CIITA: variants seen among roughly 807,000 people sequenced by gnomAD.
CIITA encodes class II major histocompatibility complex transactivator.
In CIITA, 72 loss-of-function variants were observed where a neutral mutation model predicts 115.1. The observed-to-expected ratio is 0.63, with a 90% CI of 0.52 to 0.76. The LOEUF (loss-of-function observed/expected upper bound fraction) is 0.76, where lower values mean the gene tolerates loss of function less well. Among genes scored for constraint, CIITA ranks in the 30% least tolerant of loss-of-function variants. CIITA has a pLI of 0.00. For synonymous variants in CIITA, 763 were observed against 635.6 expected (o/e 1.20, Z -3.02); for missense variants, 1,617 against 1,463.8 (o/e 1.10, Z -1.71).
intron 1 of CIITA, chr16:10,866,551 C>T (rs763714508): frequency 1.8e-6 from 1 of 547,304 alleles, no homozygotes; most frequent in South Asian, 1.4e-5. Flanking sequence ...CGAGAGGGGC[C>T]CCGGCCACAG....
chr16:10,901,403 G>A lies in CIITA; in HGVS notation c.437-111G>A. On this transcript the variant is annotated intron_variant, in intron 5 of 19. Transcript: ENST00000324288. The surrounding 1 kb of genome is among the most constrained non-coding windows in gnomAD (Gnocchi z 6.8). ...CGAGGGGAGGAAAATGGACCCCCAA[G>A]ACCACTACCCAGCCTTGAAGTTAAG... 1 of 1,180,592 alleles carries A rather than the reference G, an allele frequency of 8.5e-7. No individual in the cohort carries two copies. The highest frequency in any genetic ancestry group is 1.2e-6 in the Non-Finnish European group (1 of 800,368). The allele number at this position is 1,180,592 out of a possible 1,614,324, so 73.1% of individuals were successfully genotyped here. A position where few individuals can be genotyped will look rare whatever the true frequency, so the allele number is the denominator to read the frequency against.
At chr16:10,885,214 C>G (rs2036822289) in intron 1 of CIITA, among the ~76,000 whole-genome samples, 1 of 152,178 alleles carries the variant, frequency 6.6e-6, no homozygotes, top group South Asian at 2.1e-4. Flanking sequence ...TGCAGCCAAG[C>G]CCCTGTGGCA....
chr16:10,917,538 G>A (rs1287823124), intron 15 of CIITA, among the ~76,000 whole-genome samples: 1 of 149,710 alleles, frequency 6.7e-6, no homozygotes, highest in African/African-American at 2.5e-5. Flanking sequence ...CTGGAGTGCA[G>A]TGGTACGATC....
At chr16:10,903,467 G>A (rs1281718343) in intron 8 of CIITA, among the ~76,000 whole-genome samples, 3 of 152,208 alleles carry the variant, frequency 2.0e-5, no homozygotes, top group African/African-American at 7.2e-5. Flanking sequence ...ACAGCAGGAA[G>A]AGTGCAATAG....
chr16:10,925,352 G>A lies in CIITA; in HGVS notation c.*1497G>A, dbSNP rs538612345. 6.6e-6 allele frequency: 1 copy of A among 152,332 alleles called. No individual in the cohort carries two copies. Among genetic ancestry groups the A allele is most frequent in the African/African-American group, 2.4e-5 (1 of 41,476 alleles). The allele number at this position is 152,332 out of a possible 1,614,324, so 9.4% of individuals were successfully genotyped here. On this transcript the variant is annotated 3_prime_UTR_variant, in exon 20 of 20. Transcript: ENST00000324288. ...AGGCAGGGTCTCACTCTGTCGCCCA[G>A]TCTGGAATGCAGTGGTATGATCACG...
chr16:10,929,060 T>C lies in CIITA; in HGVS notation c.*5205T>C, dbSNP rs376422417. 3.9e-5 allele frequency: 12 copies of C among 308,034 alleles called. No individual in the cohort carries two copies. The highest frequency in any genetic ancestry group is 2.5e-4 in the African/African-American group (11 of 44,410). The allele number at this position is 308,034 out of a possible 1,614,324, so 19.1% of individuals were successfully genotyped here. A position where few individuals can be genotyped will look rare whatever the true frequency, so the allele number is the denominator to read the frequency against. ...CATGATGTCTGTTTTGCCAACTTGC[T>C]GAAGAACGAGTAACCTGAAATGAAG... On this transcript the variant is annotated 3_prime_UTR_variant, in exon 20 of 20. Transcript: ENST00000324288. The surrounding 1 kb of genome is among the most constrained non-coding windows in gnomAD (Gnocchi z 4.3).
intron 13 of CIITA, among the ~76,000 whole-genome samples, chr16:10,911,402 TCCTC>T (rs1441245801): frequency 7.0e-6 from 1 of 142,936 alleles, no homozygotes; most frequent in Non-Finnish European, 1.5e-5. Flanking sequence ...CTCCCTTCCT[TCCTC>T]CCTCCCTATC....
intron 16 of CIITA, among the ~76,000 whole-genome samples, chr16:10,919,360 C>T (rs2040146019): frequency 6.6e-6 from 1 of 152,034 alleles, no homozygotes; most frequent in African/African-American, 2.4e-5. Context: ...CCACGTCCAG[C>T]TAGTTTTTAT....
At chr16:10,881,031 T>C (rs1401487929) in intron 1 of CIITA, among the ~76,000 whole-genome samples, 1 of 152,152 alleles carries the variant, frequency 6.6e-6, no homozygotes, top group East Asian at 1.9e-4. Flanking sequence ...CCTAGCACTT[T>C]GGGAGGCCGA....
Position 10,906,707 on chromosome 16 carries a change from G to A in CIITA, c.1215G>A (p.Lys405=). The change falls in exon 11 of 20, where the codon AAG becomes AAA. Residue 405 remains lysine (K), a synonymous_variant. Coordinates refer to ENST00000324288, the MANE Select transcript of CIITA (RefSeq NM_000246.4). ...GGLAEVLLAA[K]EHRRPRETRV... is the part of the protein sequence containing the mutation. ...TGGCTGAGGTGCTGTTGGCTGCCAA[G>A]GAGCACCGGCGGCCGCGTGAGACAC... The A allele has an allele frequency of 6.2e-7, 1 of 1,612,380 alleles. No individual in the cohort carries two copies. The highest frequency in any genetic ancestry group is 2.2e-5 in the East Asian group (1 of 44,886).
Position 10,901,396 on chromosome 16 carries a change from C to T in CIITA, c.437-118C>T, listed in dbSNP as rs1056391089. On this transcript the variant is annotated intron_variant, in intron 5 of 19. Coordinates refer to ENST00000324288, the MANE Select transcript of CIITA (RefSeq NM_000246.4). The surrounding 1 kb of genome is among the most constrained non-coding windows in gnomAD (Gnocchi z 6.8). ...GTTAGAGCGAGGGGAGGAAAATGGA[C>T]CCCCAAGACCACTACCCAGCCTTGA... 25 of 1,061,932 alleles carry T rather than the reference C, an allele frequency of 2.4e-5. No individual in the cohort carries two copies. Among genetic ancestry groups the T allele is most frequent in the Middle Eastern group, 3.9e-4 (2 of 5,066 alleles). 65.8% of individuals were successfully genotyped at this position (1,061,932 alleles called of 1,614,324 possible). A position where few individuals can be genotyped will look rare whatever the true frequency, so the allele number is the denominator to read the frequency against.
intron 16 of CIITA, 69 bp from the exon 17 acceptor site, chr16:10,922,098 A>AATC: frequency 7.4e-7 from 1 of 1,359,182 alleles, no homozygotes; most frequent in Non-Finnish European, 1.1e-6. Context: ...GAATCTAGGG[A>AATC]TGGTGGCTTC....
rs1332434918 is a variant in CIITA, at chr16:10,909,143, C to T, written c.2772C>T (p.Ser924=). The T allele has an allele frequency of 6.8e-6, 11 of 1,614,054 alleles. No homozygotes were observed. In the East Asian group the frequency reaches 1.1e-4, roughly 16 times the overall value. The change falls in exon 12 of 20, where the codon TCC becomes TCT. Residue 924 remains serine, a synonymous_variant. Transcript: ENST00000324288. ...CCATCGAGCCTTTCAAAGCCAAGTC[C>T]CTGAAGGATGTGGAAGACCTGGGAA... ...KFTIEPFKAK[S]LKDVEDLGKL...
intron 16 of CIITA, among the ~76,000 whole-genome samples, chr16:10,919,800 C>T (rs1034380223): frequency 5.9e-5 from 9 of 152,120 alleles, no homozygotes; most frequent in Admixed American, 1.3e-4. Context: ...ACTAGAGATA[C>T]AAGTATGAAC....
intron 1 of CIITA, among the ~76,000 whole-genome samples, chr16:10,894,569 T>C (rs1243799355): frequency 1.3e-5 from 2 of 152,240 alleles, no homozygotes; most frequent in Non-Finnish European, 2.9e-5. Flanking sequence ...ATATTTGAGG[T>C]ATCCACATTT....
At chr16:10,918,153 A>G (rs2040060652) in intron 15 of CIITA, among the ~76,000 whole-genome samples, 1 of 152,232 alleles carries the variant, frequency 6.6e-6, no homozygotes, top group Non-Finnish European at 1.5e-5. Context: ...AATAATGCCA[A>G]CACTTATTTC....
chr16:10,906,800 C>T lies in CIITA; in HGVS notation c.1308C>T (p.Ala436=), dbSNP rs1181669726. The change falls in exon 11 of 20, where the codon GCC becomes GCT. Residue 436 remains alanine, a synonymous_variant. Coordinates refer to ENST00000324288, the MANE Select transcript of CIITA (RefSeq NM_000246.4). ...ATTGGGCTGGGGCAGTGAGCCGGGCCTGGGCTTGTGGCCGGCTTCCCCAGT... is the reference window on the plus strand; with the variant it reads ...ATTGGGCTGGGGCAGTGAGCCGGGCTTGGGCTTGTGGCCGGCTTCCCCAGT... The part of the protein sequence containing the change: ...KSYWAGAVSR[A]WACGRLPQYD... The T allele has an allele frequency of 1.2e-6, 2 of 1,612,404 alleles. No individual in the cohort carries two copies. The highest frequency in any genetic ancestry group is 1.7e-5 in the Admixed American group (1 of 60,028).
rs563430518 is a variant in CIITA at position 10,901,785 on chromosome 16, T to C, written c.481+227T>C. The C allele has an allele frequency of 6.0e-6, 4 of 666,996 alleles. No homozygotes were observed. The Admixed American group carries it at 1.1e-4, about 18-fold the overall frequency. The allele number at this position is 666,996 out of a possible 1,614,324, so 41.3% of individuals were successfully genotyped here. A position where few individuals can be genotyped will look rare whatever the true frequency, so the allele number is the denominator to read the frequency against. Reference sequence around the variant, plus strand: ...GAGCTAACAGATTGTTCATAGGTTCTATTCTGCCCCAGCTCTCCGTGTGGA... The same window carrying C: ...GAGCTAACAGATTGTTCATAGGTTCCATTCTGCCCCAGCTCTCCGTGTGGA... On this transcript the variant is annotated intron_variant, in intron 6 of 19. Coordinates refer to ENST00000324288, the MANE Select transcript of CIITA (RefSeq NM_000246.4). The surrounding 1 kb of genome is among the most constrained non-coding windows in gnomAD (Gnocchi z 6.8).
At chr16:10,867,434 GA>G (rs1400953891) in intron 1 of CIITA, among the ~76,000 whole-genome samples, 1 of 151,692 alleles carries the variant, frequency 6.6e-6, no homozygotes, top group Non-Finnish European at 1.5e-5. Flanking sequence ...GAAAGGAAGG[GA>G]GAGAAAGACA....
Sources: allele counts gnomAD v4.1 joint callset (sites outside exome capture counted in the v4.1 genomes callset), GRCh38; gene constraint gnomAD v4.1.1; non-coding constraint Gnocchi (gnomAD v3.1); transcripts MANE v1.5; gene names NCBI Gene and HGNC (gene_info 2026-07-23, HGNC 2026-07-21).